Variants in ZNF385D observed in about 807,000 individuals in gnomAD.
ZNF385D encodes the protein zinc finger protein 385D.
A neutral mutation model predicts 35.8 loss-of-function variants in ZNF385D; 15 were observed. The observed-to-expected ratio is 0.42, with a 90% CI of 0.28 to 0.64. The LOEUF (loss-of-function observed/expected upper bound fraction) is 0.64. Ranked by LOEUF, ZNF385D falls within the 30% of genes least tolerant of loss-of-function variation. The pLI, the probability that ZNF385D is intolerant of heterozygous loss-of-function variation, is 0.23. For missense variants in ZNF385D, 474 were observed against 494.6 expected (o/e 0.96, Z 0.39); for synonymous variants, 212 against 186.8 (o/e 1.13, Z -1.10).
chr3:22,125,034 C>T (rs553096059), intron 3 of ZNF385D, among the ~76,000 whole-genome samples: 1 of 152,134 alleles, frequency 6.6e-6, no homozygotes, highest in African/African-American at 2.4e-5. Context: ...TTTATTTTAG[C>T]AGTTTCATAG....
rs1429500150 is a variant in ZNF385D at position 21,720,924 on chromosome 3, T to C, written c.22+29971A>G. On this transcript the variant is annotated intron_variant, in intron 1 of 7. Coordinates refer to ENST00000281523, the MANE Select transcript of ZNF385D (RefSeq NM_024697.3). Reference sequence around the variant, plus strand: ...CAACCACGCAATTATTTGTACCTTTTTCCTGTAAGATTAACTTGATAATGG... The same window carrying C: ...CAACCACGCAATTATTTGTACCTTTCTCCTGTAAGATTAACTTGATAATGG... 2.6e-5 allele frequency among the ~76,000 whole-genome samples: 4 copies of C among 152,356 alleles called. No individual in the cohort carries two copies. The South Asian group carries it at 6.2e-4, about 24-fold the overall frequency.
intron 1 of ZNF385D, among the ~76,000 whole-genome samples, chr3:21,727,230 A>T (rs1179274384): frequency 1.3e-5 from 2 of 152,244 alleles, no homozygotes; most frequent in African/African-American, 4.8e-5. Flanking sequence ...CTAGAAGAAA[A>T]GCTAGGCAAT....
rs1383242515 is a variant in ZNF385D, at chr3:21,418,545, C to T, written c.*2669G>A. 1 of 152,046 alleles carries T rather than the reference C, an allele frequency of 6.6e-6. No individual in the cohort carries two copies. Among genetic ancestry groups the T allele is most frequent in the Non-Finnish European group, 1.5e-5 (1 of 67,992 alleles). The allele number at this position is 152,046 out of a possible 1,614,324, so 9.4% of individuals were successfully genotyped here. On this transcript the variant is annotated 3_prime_UTR_variant, in exon 8 of 8. Coordinates refer to ENST00000281523, the MANE Select transcript of ZNF385D (RefSeq NM_024697.3). ...ATAGCGAAGTGAGGCAGAAGGGATC[C>T]AGGTATTTCTGAGATTTCTTATATG...
intron 2 of ZNF385D, among the ~76,000 whole-genome samples, chr3:22,206,104 G>T (rs995169675): frequency 6.6e-6 from 1 of 151,780 alleles, no homozygotes; most frequent in Non-Finnish European, 1.5e-5. Flanking sequence ...TCTGCAAATG[G>T]TAACCATAAA....
intron 2 of ZNF385D, among the ~76,000 whole-genome samples, chr3:21,632,728 G>A (rs1175064901): frequency 6.6e-6 from 1 of 152,056 alleles, no homozygotes; most frequent in Non-Finnish European, 1.5e-5. Context: ...ATTTGTAGTG[G>A]GTCATACATC....
At chr3:21,839,781 CAATCAA>C (rs1695551378) in intron 3 of ZNF385D, among the ~76,000 whole-genome samples, 1 of 152,008 alleles carries the variant, frequency 6.6e-6, no homozygotes, top group African/African-American at 2.4e-5. Flanking sequence ...CACATACCAG[CAATCAA>C]ATGCCTGACC....
intron 4 of ZNF385D, among the ~76,000 whole-genome samples, chr3:21,443,905 T>A (rs909154758): frequency 2.0e-5 from 3 of 152,160 alleles, no homozygotes; most frequent in Non-Finnish European, 4.4e-5. Context: ...GCTGTCCAAT[T>A]TATTATCTGT....
At chr3:22,216,419 A>G (rs577771587) in intron 2 of ZNF385D, among the ~76,000 whole-genome samples, 23 of 152,242 alleles carry the variant, frequency 1.5e-4, no homozygotes, top group African/African-American at 5.1e-4. Context: ...TGGAATGTAC[A>G]GGAAACATTC....
chr3:21,643,554 C>T (rs549904831), intron 2 of ZNF385D, among the ~76,000 whole-genome samples: 2 of 152,196 alleles, frequency 1.3e-5, no homozygotes, highest in South Asian at 2.1e-4. Flanking sequence ...GAGTCTGAGT[C>T]AATCTCACAG....
intron 2 of ZNF385D, among the ~76,000 whole-genome samples, chr3:21,567,783 A>AAAAT (rs2063201348): frequency 6.6e-6 from 1 of 152,194 alleles, no homozygotes; most frequent in African/African-American, 2.4e-5. Flanking sequence ...ATGCTCTCCG[A>AAAAT]AAATACATAC....
intron 4 of ZNF385D, among the ~76,000 whole-genome samples, chr3:21,473,859 T>G (rs1704057109): frequency 6.6e-6 from 1 of 152,132 alleles, no homozygotes; most frequent in Admixed American, 6.6e-5. Context: ...CTCACCCATT[T>G]TCTTCTATTA....
Position 21,785,101 on chromosome 3 carries a change from G to A in ZNF385D, c.326-120073C>T, listed in dbSNP as rs568293880. The stretch of plus-strand genomic sequence containing the variant: ...TCACCCCTGGTTCCCTGCACTGACC[G>A]GGGAGGTTGGACTTGTGAAAATGGA... On this transcript the variant is annotated intron_variant, in intron 3 of 5. Transcript: ENST00000494108. Among the ~76,000 whole-genome samples, 189 of 152,144 alleles carry A rather than the reference G, an allele frequency of 1.2e-3. 1 individual carries two copies. Among genetic ancestry groups the A allele is most frequent in the African/African-American group, 4.4e-3 (182 of 41,506 alleles).
intron 1 of ZNF385D, among the ~76,000 whole-genome samples, chr3:21,720,449 G>A (rs2068494187): frequency 6.6e-6 from 1 of 152,174 alleles, no homozygotes; most frequent in African/African-American, 2.4e-5. Context: ...AGTTACTCAG[G>A]AGGCTGAGAT....
chr3:21,715,893 G>A (rs754220568), intron 1 of ZNF385D, among the ~76,000 whole-genome samples: 1 of 152,028 alleles, frequency 6.6e-6, no homozygotes, highest in Non-Finnish European at 1.5e-5. Context: ...AGATCTAATA[G>A]GTATTTTAAA....
At chr3:22,325,839 T>G (rs1694652772) in intron 2 of ZNF385D, among the ~76,000 whole-genome samples, 1 of 152,004 alleles carries the variant, frequency 6.6e-6, no homozygotes, top group South Asian at 2.1e-4. Flanking sequence ...CACATTTTTT[T>G]TTCTCTAAAG....
At chr3:21,737,954 T>G (rs538193010) in intron 1 of ZNF385D, among the ~76,000 whole-genome samples, 3 of 152,328 alleles carry the variant, frequency 2.0e-5, no homozygotes, top group Admixed American at 1.3e-4. Flanking sequence ...GCCATCACTG[T>G]GATTAGCGTT....
At chr3:21,594,569 T>C (rs1024921306) in intron 2 of ZNF385D, among the ~76,000 whole-genome samples, 4 of 152,098 alleles carry the variant, frequency 2.6e-5, no homozygotes, top group African/African-American at 9.7e-5. Flanking sequence ...GTAAACGGGA[T>C]TGTGGGGGCC....
Position 22,212,527 on chromosome 3 carries a change from G to A in ZNF385D, c.107-43492C>T, listed in dbSNP as rs956890980. Among the ~76,000 whole-genome samples the A allele has an allele frequency of 3.3e-5, 5 of 151,980 alleles. No individual in the cohort carries two copies. In the South Asian group the frequency reaches 1.0e-3, roughly 31 times the overall value. On this transcript the variant is annotated intron_variant, in intron 2 of 5. Transcript: ENST00000494108. The stretch of plus-strand genomic sequence containing the variant: ...TCACTTAAGAGATTCTCTTCTCTTG[G>A]AATTAATATGTCTCTAAAATGTCAG...
chr3:21,782,912 G>A (rs966252579), intron 3 of ZNF385D, among the ~76,000 whole-genome samples: 38 of 152,132 alleles, frequency 2.5e-4, no homozygotes, highest in Admixed American at 5.2e-4. Flanking sequence ...GGACAATTAG[G>A]CTTACTTATA....
Sources: gnomAD v4.1 joint callset for allele counts (sites outside exome capture counted in the v4.1 genomes callset) on GRCh38, gnomAD v4.1.1 for gene constraint, MANE v1.5 for transcripts, NCBI Gene and HGNC (gene_info 2026-07-23, HGNC 2026-07-21) for gene names.